The following TPO variants were observed in gnomAD, a reference collection of about 807,000 sequenced individuals.
The protein encoded by TPO is thyroid peroxidase, also known as thyroid microsomal antigen.
A neutral mutation model predicts 96.9 loss-of-function variants in TPO; 78 were observed. The observed-to-expected ratio is 0.81, with a 90% CI of 0.67 to 0.97. The LOEUF is 0.97. Among genes scored for constraint, TPO ranks in the 50% least tolerant of loss-of-function variants. The pLI, the probability that TPO is intolerant of heterozygous loss-of-function variation, is 0.00. For synonymous variants in TPO, 547 were observed against 538.0 expected, an observed-to-expected ratio of 1.02 and a Z score of -0.23; for missense variants, 1,252 against 1,274.8, an observed-to-expected ratio of 0.98 and a Z score of 0.27.
chr2:1,458,601 A>G (rs1265653665), intron 7 of TPO, among the ~76,000 whole-genome samples: 1 of 152,092 alleles, frequency 6.6e-6, no homozygotes, highest in Non-Finnish European at 1.5e-5. Context: ...ATGGCATATA[A>G]GATACTGTGT....
intron 15 of TPO, 122 bp from the exon 16 acceptor site, chr2:1,540,472 G>A (rs1302287620): frequency 5.0e-6 from 8 of 1,593,160 alleles, no homozygotes; most frequent in African/African-American, 1.3e-5. Flanking sequence ...AATGAAAGTG[G>A]GTTGGAGTGT....
intron 14 of TPO, chr2:1,513,637 T>G (rs1040121669): frequency 2.0e-5 from 3 of 152,208 alleles, no homozygotes; most frequent in Non-Finnish European, 4.4e-5. Context: ...ATTAGAGACA[T>G]CCATAGAGAC....
intron 13 of TPO, among the ~76,000 whole-genome samples, chr2:1,499,324 C>G (rs1672650273): frequency 6.6e-6 from 1 of 152,168 alleles, no homozygotes; most frequent in South Asian, 2.1e-4. Flanking sequence ...CTCCTGTAGA[C>G]CATCCTATGC....
chr2:1,537,392 TCCCCCC>T (rs1679997618), intron 15 of TPO, among the ~76,000 whole-genome samples: 5 of 110,672 alleles, frequency 4.5e-5, no homozygotes, highest in South Asian at 3.3e-4. Context: ...CTCCCTCAAA[TCCCCCC>T]ACTGTGAGCA....
intron 5 of TPO, among the ~76,000 whole-genome samples, chr2:1,438,420 GA>G (rs1665806856): frequency 6.6e-6 from 1 of 152,176 alleles, no homozygotes; most frequent in Non-Finnish European, 1.5e-5. Context: ...AGGGGTCCGT[GA>G]TGGAGCTCCT....
intron 1 of TPO, among the ~76,000 whole-genome samples, chr2:1,400,143 G>T (rs1390111517): frequency 1.3e-5 from 2 of 152,110 alleles, no homozygotes; most frequent in Admixed American, 6.6e-5. Context: ...CAAAGATAGG[G>T]GAGAGGCTCC....
intron 14 of TPO, among the ~76,000 whole-genome samples, chr2:1,504,994 G>A (rs749850619): frequency 6.6e-5 from 10 of 152,144 alleles, no homozygotes; most frequent in Non-Finnish European, 1.2e-4. Flanking sequence ...AGTGCAAAAC[G>A]CTTCATGACT....
chr2:1,467,397 C>T (rs1669002663), intron 7 of TPO, among the ~76,000 whole-genome samples: 1 of 152,120 alleles, frequency 6.6e-6, no homozygotes, highest in Non-Finnish European at 1.5e-5. Flanking sequence ...AGCCACTGTG[C>T]CTGGCCCCGA....
chr2:1,449,097 AATTCT>A (rs1667095593), intron 5 of TPO, among the ~76,000 whole-genome samples: 1 of 152,212 alleles, frequency 6.6e-6, no homozygotes, highest in East Asian at 1.9e-4. Flanking sequence ...GCCCATGAAC[AATTCT>A]GGGGGAGACG....
intron 13 of TPO, among the ~76,000 whole-genome samples, chr2:1,503,212 C>G (rs1573455615): frequency 1.3e-5 from 2 of 152,148 alleles, no homozygotes; most frequent in South Asian, 4.1e-4. Context: ...CCAGCCTGGC[C>G]CTCGGCGGAG....
intron 7 of TPO, among the ~76,000 whole-genome samples, chr2:1,470,114 C>T (rs534923393): frequency 9.2e-5 from 14 of 152,304 alleles, no homozygotes; most frequent in African/African-American, 3.4e-4. Flanking sequence ...ATTAATCTTA[C>T]ATAATTCCTA....
intron 1 of TPO, among the ~76,000 whole-genome samples, chr2:1,379,852 C>A (rs190918194): frequency 2.3e-4 from 35 of 152,166 alleles, no homozygotes; most frequent in Admixed American, 2.2e-3. Flanking sequence ...CCAGGCATAA[C>A]AAAATCTTTG....
rs28911480 is a variant in TPO at position 1,487,461 on chromosome 2, G to A, written c.1598-360G>A. Reference sequence around the variant, plus strand: ...ATAAGATTGAGCTATTGGGCTGGGCGCGGTGGCTCACGCCTGTAATCCCAG... The same window carrying A: ...ATAAGATTGAGCTATTGGGCTGGGCACGGTGGCTCACGCCTGTAATCCCAG... On this transcript the variant is annotated intron_variant, in intron 9 of 16. Transcript: ENST00000329066. 8.6e-3 allele frequency among the ~76,000 whole-genome samples: 1,315 copies of A among 152,300 alleles called. 27 individuals are homozygous for A. The highest frequency in any genetic ancestry group is 0.03 in the African/African-American group (1,244 of 41,554).
intron 15 of TPO, among the ~76,000 whole-genome samples, chr2:1,536,631 C>T (rs1168617851): frequency 2.8e-5 from 1 of 35,292 alleles, no homozygotes; most frequent in Non-Finnish European, 5.0e-5. Context: ...CTTTGTGAAA[C>T]CTCCCCAAAT....
At chr2:1,459,313 G>A (rs1185890566) in intron 7 of TPO, among the ~76,000 whole-genome samples, 2 of 151,974 alleles carry the variant, frequency 1.3e-5, no homozygotes, top group Non-Finnish European at 2.9e-5. Flanking sequence ...CACCACACCC[G>A]GCTAATTTTT....
intron 3 of TPO, among the ~76,000 whole-genome samples, chr2:1,432,623 CT>C: frequency 7.8e-6 from 1 of 128,598 alleles, no homozygotes; most frequent in Non-Finnish European, 1.6e-5. Flanking sequence ...GAGGGGAGGC[CT>C]GCAGGTGAGG....
chr2:1,448,558 TAA>T (rs1265465876), intron 5 of TPO, among the ~76,000 whole-genome samples: 3 of 152,170 alleles, frequency 2.0e-5, no homozygotes, highest in Non-Finnish European at 4.4e-5. Flanking sequence ...CCGGCCATCG[TAA>T]GAGTTACGGC....
At chr2:1,535,745 TC>T (rs1385388684) in intron 15 of TPO, among the ~76,000 whole-genome samples, 4 of 50,394 alleles carry the variant, frequency 7.9e-5, no homozygotes, top group Admixed American at 3.2e-4. Flanking sequence ...CCTCCCCAAA[TC>T]CCCCCACTCT....
At chr2:1,409,691 G>T (rs895012146), upstream of TPO, among the ~76,000 whole-genome samples, 1 of 152,128 alleles carries the variant, frequency 6.6e-6, no homozygotes, top group Non-Finnish European at 1.5e-5. Flanking sequence ...GCACTGTGCA[G>T]CCCACGGCCG....
Sources: allele counts gnomAD v4.1 joint callset (sites outside exome capture counted in the v4.1 genomes callset), GRCh38; gene constraint gnomAD v4.1.1; transcripts MANE v1.5; gene names NCBI Gene and HGNC (gene_info 2026-07-23, HGNC 2026-07-21).